Variants in ANKRD12 observed in about 807,000 individuals in gnomAD.
ANKRD12 encodes the protein ankyrin repeat domain 12.
ANKRD12 carries 85 observed loss-of-function variants against 183.4 expected under a neutral mutation model. That is an observed-to-expected ratio of 0.46 (90% CI 0.39 to 0.56). The LOEUF (loss-of-function observed/expected upper bound fraction) is 0.56. Ranked by LOEUF, ANKRD12 falls within the 20% of genes least tolerant of loss-of-function variation. The probability of loss-of-function intolerance (pLI) is 0.00; values close to 1 mark genes in which losing one functional copy is unlikely to be tolerated. For synonymous variants in ANKRD12, 914 were observed against 800.2 expected (o/e 1.14, Z -2.40); for missense variants, 2,405 against 2,357.1 (o/e 1.02, Z -0.42).
At position 9,263,708 on chromosome 18, in the gene ANKRD12, T is replaced by C. The variant is rs555497356; in HGVS notation, c.5665-82T>C. 3 of 1,087,856 alleles carry C rather than the reference T, an allele frequency of 2.8e-6. No individual in the cohort carries two copies. The East Asian group carries it at 9.1e-5, about 33-fold the overall frequency. The allele number at this position is 1,087,856 out of a possible 1,614,324, so 67.4% of individuals were successfully genotyped here. ...CATCAGAATTTGTTTTTTTATGCAC[T>C]AAAAGGGTTTAATTTTAAAAGAATA... On this transcript the variant is annotated intron_variant, in intron 9 of 12. Transcript: ENST00000262126.
chr18:9,177,897 A>G (rs1161246466), intron 1 of ANKRD12, among the ~76,000 whole-genome samples: 2 of 152,188 alleles, frequency 1.3e-5, no homozygotes, highest in East Asian at 1.9e-4. Flanking sequence ...CATTCATTAT[A>G]TGTTATTTGC....
At chr18:9,184,374 GA>G (rs2033903622) in intron 2 of ANKRD12, among the ~76,000 whole-genome samples, 1 of 151,876 alleles carries the variant, frequency 6.6e-6, no homozygotes, top group African/African-American at 2.4e-5. Flanking sequence ...ATCTAGGTAG[GA>G]ATATCTTGAT....
intron 1 of ANKRD12, among the ~76,000 whole-genome samples, chr18:9,155,109 G>A (rs2030207436): frequency 6.6e-6 from 1 of 152,136 alleles, no homozygotes; most frequent in Admixed American, 6.5e-5. Context: ...ATATTTACAA[G>A]TTCTTCAGAA....
intron 8 of ANKRD12, among the ~76,000 whole-genome samples, chr18:9,246,661 C>T (rs1444406542): frequency 2.0e-5 from 3 of 152,048 alleles, no homozygotes; most frequent in East Asian, 1.9e-4. Context: ...TTAAAATTGA[C>T]GTATGTGCTT....
intron 11 of ANKRD12, among the ~76,000 whole-genome samples, chr18:9,278,912 G>A (rs1316777265): frequency 6.6e-6 from 1 of 152,134 alleles, no homozygotes; most frequent in Non-Finnish European, 1.5e-5. Flanking sequence ...GCATTATGAT[G>A]AGGGCTTTAT....
chr18:9,235,786 A>G (rs2037312165), intron 8 of ANKRD12: 1 of 419,880 alleles, frequency 2.4e-6, no homozygotes. Flanking sequence ...GAAACAGAAG[A>G]AGACCATGTA....
At chr18:9,165,162 C>T (rs529405300) in intron 1 of ANKRD12, among the ~76,000 whole-genome samples, 6 of 151,978 alleles carry the variant, frequency 3.9e-5, no homozygotes, top group Admixed American at 2.0e-4. Flanking sequence ...TGTCGTTTGT[C>T]TTTTTTTGAT....
intron 2 of ANKRD12, among the ~76,000 whole-genome samples, chr18:9,187,026 G>T (rs1397852259): frequency 6.6e-6 from 1 of 152,170 alleles, no homozygotes; most frequent in Non-Finnish European, 1.5e-5. Context: ...CTCCCAAAGT[G>T]CTGGGATTAC....
At chr18:9,212,459 T>C (rs2035858298) in intron 6 of ANKRD12, among the ~76,000 whole-genome samples, 1 of 91,056 alleles carries the variant, frequency 1.1e-5, no homozygotes, top group Admixed American at 1.2e-4. Context: ...CCTGCCTTAA[T>C]GTCTTACAGA....
intron 8 of ANKRD12, chr18:9,235,532 AAG>A: frequency 2.8e-6 from 1 of 357,762 alleles, no homozygotes; most frequent in Admixed American, 2.8e-5. Context: ...ACACCACATA[AAG>A]AGAAAAAGAA....
chr18:9,144,958 T>A lies in ANKRD12; in HGVS notation c.-52+7993T>A, dbSNP rs144166063. Reference sequence around the variant, plus strand: ...TATCATACTAATATATCAATAATTATGATTATGGACTTTTACAAGGAGTAA... The same window carrying A: ...TATCATACTAATATATCAATAATTAAGATTATGGACTTTTACAAGGAGTAA... On this transcript the variant is annotated intron_variant, in intron 1 of 12. Transcript: ENST00000262126. Among the ~76,000 whole-genome samples the A allele has an allele frequency of 6.4e-3, 971 of 152,270 alleles. 8 individuals are homozygous for A. Among genetic ancestry groups the A allele is most frequent in the Middle Eastern group, 0.017 (5 of 294 alleles).
intron 8 of ANKRD12, among the ~76,000 whole-genome samples, chr18:9,238,802 T>C (rs1226491747): frequency 6.6e-6 from 1 of 152,204 alleles, no homozygotes; most frequent in Non-Finnish European, 1.5e-5. Context: ...ATAGCTGAAA[T>C]TGCATTAACT....
At chr18:9,275,307 T>C (rs1474080047) in intron 10 of ANKRD12, among the ~76,000 whole-genome samples, 1 of 151,058 alleles carries the variant, frequency 6.6e-6, no homozygotes, top group Non-Finnish European at 1.5e-5. Context: ...TCTAAAAATA[T>C]ATATATATAT....
intron 8 of ANKRD12, among the ~76,000 whole-genome samples, chr18:9,246,965 G>C (rs1000613125): frequency 6.6e-6 from 1 of 151,482 alleles, no homozygotes; most frequent in Admixed American, 6.6e-5. Flanking sequence ...GATTGTTACT[G>C]AGTATAGGAA....
In ANKRD12 at chr18:9,254,521, A is replaced by C. The variant is rs1598709346; in HGVS notation, c.1254A>C (p.Pro418=). 2 of 1,549,310 alleles carry C rather than the reference A, an allele frequency of 1.3e-6. No homozygotes were observed. The change falls in exon 9 of 13, where the codon CCA becomes CCC. Residue 418 remains proline, a synonymous_variant. Transcript: ENST00000262126. ...PKSFKSKKQK[P]SRVLYSSTES... is the part of the protein sequence containing the mutation. ...CATTTAAAAGTAAAAAACAAAAGCC[A>C]TCTAGGGTCTTATATTCAAGTACTG...
In ANKRD12 at chr18:9,257,495, C is replaced by G. The variant is rs776379006; in HGVS notation, c.4228C>G (p.Gln1410Glu). 5.6e-6 allele frequency: 9 copies of G among 1,613,966 alleles called. No homozygotes were observed. The highest frequency in any genetic ancestry group is 1.7e-5 in the Admixed American group (1 of 59,994). Reference protein sequence around the residue: ...DSPVHLEPSSQVGVIQNKSWE... With the variant: ...DSPVHLEPSSEVGVIQNKSWE... Reference sequence around the variant, plus strand: ...TCCAGTGCATTTAGAGCCATCTAGTCAGGTTGGTGTGATCCAGAATAAATC... The same window carrying G: ...TCCAGTGCATTTAGAGCCATCTAGTGAGGTTGGTGTGATCCAGAATAAATC... Residue 1410 changes from glutamine (Q) to glutamate (E), a missense_variant, in exon 9 of 13, where the codon CAG becomes GAG. Transcript: ENST00000262126.
intron 8 of ANKRD12, among the ~76,000 whole-genome samples, chr18:9,236,388 CTAT>C (rs2037347019): frequency 6.9e-6 from 1 of 145,626 alleles, no homozygotes; most frequent in African/African-American, 2.6e-5. Context: ...CTAAGTGAAA[CTAT>C]TAGAGGAAAC....
At chr18:9,191,437 A>G (rs377313933) in intron 2 of ANKRD12, among the ~76,000 whole-genome samples, 8 of 152,296 alleles carry the variant, frequency 5.3e-5, no homozygotes, top group African/African-American at 1.9e-4. Context: ...AACATATTCC[A>G]TATACTCTTT....
intron 1 of ANKRD12, among the ~76,000 whole-genome samples, chr18:9,159,824 A>G (rs2031154478): frequency 6.6e-6 from 1 of 150,862 alleles, no homozygotes; most frequent in Admixed American, 6.6e-5. Flanking sequence ...TAATTATTTG[A>G]GACAGAGTCT....
Sources: allele counts gnomAD v4.1 joint callset (sites outside exome capture counted in the v4.1 genomes callset), GRCh38; gene constraint gnomAD v4.1.1; transcripts MANE v1.5; gene names NCBI Gene and HGNC (gene_info 2026-07-23, HGNC 2026-07-21).